AFG1L: variants seen among roughly 807,000 people sequenced by gnomAD.
AFG1L encodes AFG1 like ATPase, also known as AFG1-like ATPase.
Under a neutral mutation model 62.2 loss-of-function variants are expected in AFG1L, and 53 were observed. The observed-to-expected ratio is 0.85, with a 90% CI of 0.68 to 1.07. The LOEUF (loss-of-function observed/expected upper bound fraction) is 1.07, where lower values mean the gene tolerates loss of function less well. Among genes scored for constraint, AFG1L ranks in the 50% least tolerant of loss-of-function variants. The pLI, the probability that AFG1L is intolerant of heterozygous loss-of-function variation, is 0.00. For synonymous variants in AFG1L, 228 were observed against 210.3 expected (o/e 1.08, Z -0.73); for missense variants, 555 against 590.5 (o/e 0.94, Z 0.62).
intron 7 of AFG1L, among the ~76,000 whole-genome samples, chr6:108,431,979 A>G (rs949026363): frequency 7.0e-6 from 1 of 142,298 alleles, no homozygotes; most frequent in Non-Finnish European, 1.5e-5. Flanking sequence ...AGACCCTACA[A>G]CTCTCTGTGC....
rs563570610 is a variant in AFG1L at position 108,320,922 on chromosome 6, G to A, written c.140-2903G>A. On this transcript the variant is annotated intron_variant, in intron 1 of 12. Coordinates refer to ENST00000368977, the MANE Select transcript of AFG1L (RefSeq NM_145315.5). ...TTGTGGGAGGAAGAGGAATATATCA[G>A]TAATCACCCTGAAGTTTCTCACTTG... 2.1e-4 allele frequency among the ~76,000 whole-genome samples: 32 copies of A among 152,320 alleles called. No homozygotes were observed. The South Asian group carries it at 5.4e-3, about 26-fold the overall frequency.
chr6:108,503,190 A>G lies in AFG1L; in HGVS notation c.1063-7022A>G, dbSNP rs574738340. ...TGATATTTCGACCTTCTCCCCATGA[A>G]GCACTAATGTTCTTCATGGTATCTA... On this transcript the variant is annotated intron_variant, in intron 10 of 12. Transcript: ENST00000368977. Among the ~76,000 whole-genome samples, 44 of 152,310 alleles carry G rather than the reference A, an allele frequency of 2.9e-4. 1 individual carries two copies. Among genetic ancestry groups the G allele is most frequent in the South Asian group, 2.5e-3 (12 of 4,824 alleles).
chr6:108,493,727 A>G (rs577829307), intron 10 of AFG1L, among the ~76,000 whole-genome samples: 4 of 152,280 alleles, frequency 2.6e-5, no homozygotes, highest in Admixed American at 6.5e-5. Context: ...CATGTCGTGG[A>G]TATGCTTTTG....
intron 6 of AFG1L, among the ~76,000 whole-genome samples, chr6:108,379,167 T>C (rs1165904672): frequency 1.3e-5 from 2 of 151,934 alleles, no homozygotes; most frequent in Non-Finnish European, 2.9e-5. Flanking sequence ...CCCACTACCA[T>C]GCCTGGCTAA....
At chr6:108,390,983 C>T (rs1206698686) in intron 6 of AFG1L, among the ~76,000 whole-genome samples, 1 of 152,184 alleles carries the variant, frequency 6.6e-6, no homozygotes, top group African/African-American at 2.4e-5. Flanking sequence ...TCTTGGAACC[C>T]CCATCACCCC....
rs184533367 is a variant in AFG1L, at chr6:108,506,506, G to T, written c.1063-3706G>T. Among the ~76,000 whole-genome samples the T allele has an allele frequency of 1.5e-3, 231 of 152,156 alleles. 1 individual carries two copies. Among genetic ancestry groups the T allele is most frequent in the African/African-American group, 5.3e-3 (221 of 41,496 alleles). On this transcript the variant is annotated intron_variant, in intron 10 of 12. Transcript: ENST00000368977. ...TTACAGGTGTGAGCCACTGGGCCTGGCTTCCTCCCGTATTCTTTAATTATC... is the reference window on the plus strand; with the variant it reads ...TTACAGGTGTGAGCCACTGGGCCTGTCTTCCTCCCGTATTCTTTAATTATC...
rs2114926316 is a variant in AFG1L, at chr6:108,523,629, T to C, written c.*1204T>C. 1 of 152,302 alleles carries C rather than the reference T, an allele frequency of 6.6e-6. No homozygotes were observed. Among genetic ancestry groups the C allele is most frequent in the East Asian group, 1.9e-4 (1 of 5,192 alleles). The allele number at this position is 152,302 out of a possible 1,614,324, so 9.4% of individuals were successfully genotyped here. ...GCTCTTTGAACCTATTTATTTTCTATTTATTATTATTTTTATTTTTTATAT... is the reference window on the plus strand; with the variant it reads ...GCTCTTTGAACCTATTTATTTTCTACTTATTATTATTTTTATTTTTTATAT... On this transcript the variant is annotated 3_prime_UTR_variant, in exon 13 of 13. Coordinates refer to ENST00000368977, the MANE Select transcript of AFG1L (RefSeq NM_145315.5).
intron 5 of AFG1L, among the ~76,000 whole-genome samples, chr6:108,363,910 G>A (rs2114489530): frequency 6.6e-6 from 1 of 152,194 alleles, no homozygotes; most frequent in East Asian, 1.9e-4. Flanking sequence ...TCATTATATG[G>A]CACTGTACCA....
In AFG1L at chr6:108,477,249, G is replaced by T. The variant is rs1196539731; in HGVS notation, c.1019G>T (p.Cys340Phe). 2 of 1,610,218 alleles carry T rather than the reference G, an allele frequency of 1.2e-6. No individual in the cohort carries two copies. The highest frequency in any genetic ancestry group is 2.7e-5 in the African/African-American group (2 of 74,842). Residue 340 changes from cysteine (C) to phenylalanine (F), a missense_variant, in exon 10 of 13, where the codon TGT becomes TTT. By Grantham distance (205) the Cys-to-Phe change is radical (BLOSUM62 -2). Transcript: ENST00000368977. ...AGAGAGCTGCGCCTGAATAAAGCCT[G>T]TGGAACCGTTGCCGACTGCACATTT... ...QGRELRLNKACGTVADCTFEE... is the reference protein window; with the variant it reads ...QGRELRLNKAFGTVADCTFEE...
chr6:108,397,310 T>A (rs558304468), intron 6 of AFG1L, among the ~76,000 whole-genome samples: 8 of 152,346 alleles, frequency 5.3e-5, no homozygotes, highest in African/African-American at 1.7e-4. Context: ...GTATTTTTAG[T>A]AAAGACAGGA....
chr6:108,311,822 T>C (rs940217356), intron 1 of AFG1L, among the ~76,000 whole-genome samples: 1 of 152,166 alleles, frequency 6.6e-6, no homozygotes, highest in Non-Finnish European at 1.5e-5. Flanking sequence ...TAAAACTGAT[T>C]CTTTCCAGGA....
chr6:108,393,255 A>C (rs1562129080), intron 6 of AFG1L, among the ~76,000 whole-genome samples: 1 of 152,080 alleles, frequency 6.6e-6, no homozygotes, highest in Non-Finnish European at 1.5e-5. Context: ...GCTAATATTA[A>C]AAATTTTGTT....
intron 7 of AFG1L, among the ~76,000 whole-genome samples, chr6:108,417,285 C>CA (rs1185604912): frequency 2.9e-5 from 2 of 70,090 alleles, no homozygotes; most frequent in Non-Finnish European, 6.3e-5. Flanking sequence ...CACACACACA[C>CA]ACAAAAAAAA....
chr6:108,426,861 C>A (rs1770837627), intron 7 of AFG1L, among the ~76,000 whole-genome samples: 1 of 152,172 alleles, frequency 6.6e-6, no homozygotes. Flanking sequence ...CACCTCATTC[C>A]TACTTCCCTC....
At chr6:108,322,684 T>C (rs1316340092) in intron 1 of AFG1L, among the ~76,000 whole-genome samples, 1 of 152,252 alleles carries the variant, frequency 6.6e-6, no homozygotes, top group Non-Finnish European at 1.5e-5. Flanking sequence ...ATTGTGATTG[T>C]TAATTCTTTT....
At chr6:108,422,094 T>C (rs531559484) in intron 7 of AFG1L, among the ~76,000 whole-genome samples, 2 of 152,132 alleles carry the variant, frequency 1.3e-5, no homozygotes, top group South Asian at 4.1e-4. Flanking sequence ...CAAAGTAAAA[T>C]GGTAAGTAGG....
intron 2 of AFG1L, among the ~76,000 whole-genome samples, chr6:108,336,109 T>C (rs1321237221): frequency 6.6e-6 from 1 of 152,220 alleles, no homozygotes; most frequent in Non-Finnish European, 1.5e-5. Context: ...TTCAGTTTTT[T>C]AGTTTTTAAA....
intron 1 of AFG1L, among the ~76,000 whole-genome samples, chr6:108,322,644 C>T (rs1347816340): frequency 6.6e-6 from 1 of 152,112 alleles, no homozygotes; most frequent in African/African-American, 2.4e-5. Context: ...AGGACTTTTC[C>T]CCCTCTTTTG....
chr6:108,311,703 C>A (rs533154769), intron 1 of AFG1L, among the ~76,000 whole-genome samples: 6 of 152,058 alleles, frequency 3.9e-5, no homozygotes, highest in African/African-American at 1.4e-4. Context: ...ATCCAGCTCG[C>A]CACTGATTGT....
Sources: gnomAD v4.1 joint callset for allele counts (sites outside exome capture counted in the v4.1 genomes callset) on GRCh38, gnomAD v4.1.1 for gene constraint, MANE v1.5 for transcripts, NCBI Gene and HGNC (gene_info 2026-07-23, HGNC 2026-07-21) for gene names.